Variants in PARP8 observed in about 807,000 individuals in gnomAD.
The protein encoded by PARP8 is poly(ADP-ribose) polymerase family member 8.
A neutral mutation model predicts 124.1 loss-of-function variants in PARP8; 51 were observed. The ratio of observed to expected loss-of-function variants is 0.41; its 90% CI spans 0.33 to 0.52. The LOEUF (loss-of-function observed/expected upper bound fraction) is 0.52. PARP8 is among the 20% of genes least tolerant of loss of function. The pLI is 0.21. For missense variants in PARP8, 860 were observed against 1,018.9 expected (o/e 0.84, Z 2.12); for synonymous variants, 391 against 361.5 (o/e 1.08, Z -0.93).
At chr5:50,744,060 G>A (rs1023317966) in intron 2 of PARP8, among the ~76,000 whole-genome samples, 25 of 152,286 alleles carry the variant, frequency 1.6e-4, no homozygotes, top group African/African-American at 5.8e-4. Context: ...ATGAACTGAG[G>A]ATCCAGGAGT....
intron 1 of PARP8, 137 bp downstream of exon 1, chr5:50,667,323 G>C (rs1453079752): frequency 1.1e-6 from 1 of 909,450 alleles, no homozygotes; most frequent in East Asian, 2.6e-5. Flanking sequence ...CTGCTGCAAC[G>C]AGCGCGGGAG....
intron 3 of PARP8, among the ~76,000 whole-genome samples, chr5:50,752,974 G>A (rs774585579): frequency 1.4e-4 from 21 of 152,012 alleles, no homozygotes; most frequent in Admixed American, 2.6e-4. Flanking sequence ...TTAGTGAAAT[G>A]AAAATTTAGA....
At chr5:50,725,032 T>A (rs1756277795) in intron 2 of PARP8, among the ~76,000 whole-genome samples, 1 of 151,936 alleles carries the variant, frequency 6.6e-6, no homozygotes, top group Admixed American at 6.6e-5. Flanking sequence ...CACATTATTT[T>A]GTCCCTTTTT....
intron 2 of PARP8, among the ~76,000 whole-genome samples, chr5:50,698,121 G>A (rs1169057302): frequency 6.6e-6 from 1 of 152,210 alleles, no homozygotes; most frequent in Non-Finnish European, 1.5e-5. Context: ...GACTTTTGGT[G>A]TCATGGATGT....
At chr5:50,735,681 C>A (rs188585282) in intron 2 of PARP8, among the ~76,000 whole-genome samples, 11 of 152,222 alleles carry the variant, frequency 7.2e-5, no homozygotes, top group Non-Finnish European at 1.5e-4. Flanking sequence ...AAGATGCAAC[C>A]TGCACATATA....
At chr5:50,720,075 G>A (rs1439797901) in intron 2 of PARP8, among the ~76,000 whole-genome samples, 1 of 151,948 alleles carries the variant, frequency 6.6e-6, no homozygotes, top group Non-Finnish European at 1.5e-5. Flanking sequence ...AATTTTCATT[G>A]GTGGAGAACC....
chr5:50,672,843 T>G (rs546116626), intron 2 of PARP8, among the ~76,000 whole-genome samples: 1 of 152,004 alleles, frequency 6.6e-6, no homozygotes, highest in African/African-American at 2.4e-5. Context: ...GAGAAGTGTA[T>G]GTGTGTGCAG....
intron 14 of PARP8, among the ~76,000 whole-genome samples, chr5:50,809,247 A>G (rs1744181270): frequency 6.6e-6 from 1 of 152,056 alleles, no homozygotes; most frequent in South Asian, 2.1e-4. Context: ...AACCCAAAGC[A>G]TTGACTATAA....
chr5:50,822,274 A>G (rs1745845321), intron 16 of PARP8, 61 bp from the exon 17 acceptor site: 1 of 1,151,922 alleles, frequency 8.7e-7, no homozygotes, highest in Non-Finnish European at 1.3e-6. Flanking sequence ...CTAGTGATAT[A>G]CAGACTTGCA....
At chr5:50,672,885 C>T (rs1750194384) in intron 2 of PARP8, among the ~76,000 whole-genome samples, 1 of 152,058 alleles carries the variant, frequency 6.6e-6, no homozygotes, top group African/African-American at 2.4e-5. Flanking sequence ...AGAAGCAATG[C>T]TATCCCCTTA....
At chr5:50,737,412 G>A (rs1317692412) in intron 2 of PARP8, among the ~76,000 whole-genome samples, 1 of 150,434 alleles carries the variant, frequency 6.6e-6, no homozygotes, top group Non-Finnish European at 1.5e-5. Context: ...ATGAGAATAA[G>A]GGTACTCATT....
At chr5:50,688,963 C>T (rs1752178358) in intron 2 of PARP8, among the ~76,000 whole-genome samples, 1 of 151,418 alleles carries the variant, frequency 6.6e-6, no homozygotes, top group Admixed American at 6.6e-5. Context: ...GTACTGCTTC[C>T]TTGTTTGTGC....
At chr5:50,836,169 T>G (rs1747559591) in intron 25 of PARP8, among the ~76,000 whole-genome samples, 1 of 152,152 alleles carries the variant, frequency 6.6e-6, no homozygotes, top group South Asian at 2.1e-4. Flanking sequence ...CCATAGATAT[T>G]TGCTGACTAT....
intron 9 of PARP8, among the ~76,000 whole-genome samples, chr5:50,782,712 C>T (rs1432844218): frequency 6.6e-6 from 1 of 151,844 alleles, no homozygotes; most frequent in East Asian, 1.9e-4. Flanking sequence ...CTCAGTATCC[C>T]ATTTTACGGT....
At chr5:50,822,050 GA>G (rs919294097) in intron 16 of PARP8, among the ~76,000 whole-genome samples, 43 of 152,318 alleles carry the variant, frequency 2.8e-4, no homozygotes, top group African/African-American at 1.0e-3. Flanking sequence ...TTTTAGTGGT[GA>G]AAGCCTGAAT....
chr5:50,824,943 A>C lies in PARP8; in HGVS notation c.1896A>C (p.Lys632Asn). Residue 632 changes from lysine (K) to asparagine (N), a missense_variant, in exon 18 of 26, where the codon AAA (lysine) becomes AAC (asparagine). Physicochemically the swap from Lys to Asn is moderately conservative, Grantham distance 94. Coordinates refer to ENST00000281631, the MANE Select transcript of PARP8 (RefSeq NM_024615.4). ...PYLEIKKQMD[K>N]QDPLAHPLLQ... ...TGGAAATCAAGAAGCAAATGGATAAACAGGACCCCCTTGCTCATCCCTTAC... is the reference window on the plus strand; with the variant it reads ...TGGAAATCAAGAAGCAAATGGATAACCAGGACCCCCTTGCTCATCCCTTAC... 1 of 1,613,390 alleles carries C rather than the reference A, an allele frequency of 6.2e-7. No individual in the cohort carries two copies.
rs575868556 is a variant in PARP8, at chr5:50,799,530, A to G, written c.1575+2297A>G. ...CTTTGTTTGTGTTTTATAAGATTGC[A>G]TTGACTGTTTGGGGTCTCTTGCGTT... On this transcript the variant is annotated intron_variant, in intron 14 of 25. Transcript: ENST00000281631. Among the ~76,000 whole-genome samples the G allele has an allele frequency of 3.9e-5, 6 of 152,284 alleles. No homozygotes were observed. In the East Asian group the frequency reaches 5.8e-4, roughly 15 times the overall value.
At chr5:50,824,824 T>C in intron 17 of PARP8, 84 bp from the exon 18 acceptor site, 2 of 1,075,056 alleles carry the variant, frequency 1.9e-6, no homozygotes, top group South Asian at 2.6e-5. Flanking sequence ...AGATTAGGCA[T>C]ATCGTTTGGT....
At chr5:50,738,838 C>G (rs1757739253) in intron 2 of PARP8, 1 of 575,726 alleles carries the variant, frequency 1.7e-6, no homozygotes, top group African/African-American at 1.8e-5. Flanking sequence ...CTTGGACGAG[C>G]TTGGCTTAAA....
Sources: allele counts gnomAD v4.1 joint callset (sites outside exome capture counted in the v4.1 genomes callset), GRCh38; gene constraint gnomAD v4.1.1; transcripts MANE v1.5; gene names NCBI Gene and HGNC (gene_info 2026-07-23, HGNC 2026-07-21).